AKNA: variants seen among roughly 807,000 people sequenced by gnomAD.
AKNA encodes AT-hook transcription factor, also known as microtubule organization protein AKNA.
AKNA carries 67 observed loss-of-function variants against 138.8 expected under a neutral mutation model. That is an observed-to-expected ratio of 0.48 (90% CI 0.40 to 0.59). The LOEUF (loss-of-function observed/expected upper bound fraction) is 0.59. Ranked by LOEUF, AKNA falls within the 20% of genes least tolerant of loss-of-function variation. The probability of loss-of-function intolerance (pLI) is 0.00; values close to 1 mark genes in which losing one functional copy is unlikely to be tolerated. For synonymous variants in AKNA, 737 were observed against 754.4 expected (o/e 0.98, Z 0.38); for missense variants, 1,813 against 1,880.4 (o/e 0.96, Z 0.66).
At position 114,347,922 on chromosome 9, in the gene AKNA, A is replaced by C. The variant is rs778685191; in HGVS notation, c.3222-22T>G. 3.9e-6 allele frequency: 6 copies of C among 1,548,162 alleles called. No homozygotes were observed. In the South Asian group the frequency reaches 4.8e-5, roughly 12 times the overall value. ...CTGGCTGGGGTTGGAGTGGAGACAG[A>C]AACAAAGAACAGAGGCATGAGGAAC... On this transcript the variant is annotated intron_variant, in intron 15 of 21. Transcript: ENST00000374088.
rs751999048 is a variant in AKNA, at chr9:114,377,532, T to C, written c.275A>G (p.Glu92Gly). The C allele has an allele frequency of 2.6e-5, 41 of 1,589,886 alleles. No individual in the cohort carries two copies. In the Admixed American group the frequency reaches 7.3e-4, roughly 28 times the overall value. Reference protein sequence around the residue: ...DSESGETSGEEAEAEDVDSPA... With the variant: ...DSESGETSGEGAEAEDVDSPA... ...GCTGTCCACATCCTCTGCTTCAGCC[T>C]CTGGAAAGACAGGCCATTCACTTCT... The change falls in exon 3 of 22, where the codon GAG becomes GGG. Residue 92 changes from glutamate (E) to glycine (G), a missense_variant and splice_region_variant. Physicochemically the swap from Glu to Gly is moderately conservative, Grantham distance 98. Coordinates refer to ENST00000374088, the MANE Select transcript of AKNA (RefSeq NM_001317950.2).
chr9:114,342,462 T>C (rs547169451), intron 19 of AKNA, among the ~76,000 whole-genome samples: 16 of 152,308 alleles, frequency 1.1e-4, no homozygotes. Flanking sequence ...TGGGAAGCAG[T>C]GGTCCTTGGA....
At chr9:114,355,461 G>A (rs1831428434) in intron 14 of AKNA, among the ~76,000 whole-genome samples, 1 of 152,226 alleles carries the variant, frequency 6.6e-6, no homozygotes, top group South Asian at 2.1e-4. Context: ...ACAGGCACGA[G>A]CCGCTGCACC....
intron 1 of AKNA, among the ~76,000 whole-genome samples, chr9:114,384,539 A>ACTC (rs1277188309): frequency 6.6e-6 from 1 of 151,798 alleles, no homozygotes; most frequent in Non-Finnish European, 1.5e-5. Flanking sequence ...CTCCCCCTTA[A>ACTC]CTCCTCCTCC....
At chr9:114,396,428 C>T (rs1298137416), upstream of AKNA, among the ~76,000 whole-genome samples, 3 of 152,130 alleles carry the variant, frequency 2.0e-5, no homozygotes, top group African/African-American at 7.2e-5. Flanking sequence ...CGCCTGTAAT[C>T]CCAGCACTTC....
At position 114,362,506 on chromosome 9, in the gene AKNA, C is replaced by A. The variant is rs529615736; in HGVS notation, c.1816G>T (p.Ala606Ser). Residue 606 changes from alanine to serine, a missense_variant, in exon 8 of 22, where the codon GCG becomes TCG. Physicochemically the swap from Ala to Ser is moderately conservative, Grantham distance 99. Coordinates refer to ENST00000374088, the MANE Select transcript of AKNA (RefSeq NM_001317950.2). ...TTCAGGTACTCCTCCTCTAGGGCCG[C>A]GTGGGCAGCCTTCAGCCGCTGGAAG... ...KGFQRLKAAH[A>S]ALEEEYLKAC... The A allele has an allele frequency of 3.6e-4, 579 of 1,613,382 alleles. 7 individuals are homozygous for A. The South Asian group carries it at 5.8e-3, about 16-fold the overall frequency.
chr9:114,347,593 G>T, intron 16 of AKNA, 131 bp downstream of exon 16: 1 of 930,166 alleles, frequency 1.1e-6, no homozygotes, highest in South Asian at 2.0e-5. Flanking sequence ...GCTCAACAGT[G>T]AATGAATGAA....
upstream of AKNA, among the ~76,000 whole-genome samples, chr9:114,391,646 C>T (rs1268029498): frequency 5.9e-5 from 9 of 151,988 alleles, no homozygotes; most frequent in South Asian, 2.1e-4. Flanking sequence ...GTCAGGAGTT[C>T]GACACCAGCC....
intron 9 of AKNA, among the ~76,000 whole-genome samples, chr9:114,361,244 C>T (rs1474931673): frequency 1.3e-5 from 2 of 152,202 alleles, no homozygotes; most frequent in Non-Finnish European, 2.9e-5. Context: ...GCCACAGGGC[C>T]TTTGCACAAG....
Position 114,380,981 on chromosome 9 carries a change from C to CAAAAAAAAAAAAAAAAAAAAA in AKNA, c.274+78_274+79insTTTTTTTTTTTTTTTTTTTTT, listed in dbSNP as rs34055519. ...CTGGCAATGAAGCAAGACTCTGTCTCAAAAAAAAAAAAAAAAAAAAGAACG... is the reference window on the plus strand; with the variant it reads ...CTGGCAATGAAGCAAGACTCTGTCTCAAAAAAAAAAAAAAAAAAAAAAAAAAAAAAAAAAAAAAAAAGAACG... On this transcript the variant is annotated intron_variant, in intron 2 of 21. Coordinates refer to ENST00000374088, the MANE Select transcript of AKNA (RefSeq NM_001317950.2). The CAAAAAAAAAAAAAAAAAAAAA allele has an allele frequency of 1.7e-4, 190 of 1,110,492 alleles. 5 individuals carry two copies. The African/African-American group carries it at 5.2e-3, about 30-fold the overall frequency. 68.8% of individuals were successfully genotyped at this position (1,110,492 alleles called of 1,614,324 possible).
chr9:114,388,707 CG>C (rs1834213470), upstream of AKNA, among the ~76,000 whole-genome samples: 1 of 152,222 alleles, frequency 6.6e-6, no homozygotes, highest in African/African-American at 2.4e-5. Context: ...TTCCTTCATT[CG>C]TAGGTACTCA....
chr9:114,364,499 G>T, intron 7 of AKNA, 61 bp downstream of exon 7: 1 of 1,555,232 alleles, frequency 6.4e-7, no homozygotes, highest in Non-Finnish European at 8.9e-7. Context: ...TTCAGAGACA[G>T]AGTCATGGGA....
At chr9:114,373,578 G>A (rs898337577) in intron 4 of AKNA, among the ~76,000 whole-genome samples, 1 of 152,050 alleles carries the variant, frequency 6.6e-6, no homozygotes, top group South Asian at 2.1e-4. Flanking sequence ...GAAGGAGAGA[G>A]ATTCTCATGA....
intron 4 of AKNA, among the ~76,000 whole-genome samples, chr9:114,369,370 G>A (rs1419216926): frequency 6.6e-6 from 1 of 152,224 alleles, no homozygotes; most frequent in East Asian, 1.9e-4. Flanking sequence ...GTCTATGGCT[G>A]CTTTCACACT....
chr9:114,341,750 G>C (rs753268401), intron 20 of AKNA, 25 bp from the exon 21 acceptor site: 4 of 1,539,350 alleles, frequency 2.6e-6, no homozygotes, highest in South Asian at 1.3e-5. Flanking sequence ...ACAGCACAGA[G>C]AGACAGAGTC....
At chr9:114,393,004 C>T (rs1265378022) in intron 1 of AKNA, among the ~76,000 whole-genome samples, 1 of 152,120 alleles carries the variant, frequency 6.6e-6, no homozygotes, top group Non-Finnish European at 1.5e-5. Context: ...TCAAACAAAC[C>T]GTGCACGTGC....
At chr9:114,338,847 T>A (rs1453389473) in intron 21 of AKNA, among the ~76,000 whole-genome samples, 1 of 151,982 alleles carries the variant, frequency 6.6e-6, no homozygotes, top group South Asian at 2.1e-4. Context: ...AGACCCAGAG[T>A]CAGACAGCTG....
At chr9:114,347,519 T>C (rs556272226) in intron 16 of AKNA, among the ~76,000 whole-genome samples, 24 of 152,370 alleles carry the variant, frequency 1.6e-4, no homozygotes, top group Non-Finnish European at 3.1e-4. Context: ...GCCCGGCCTA[T>C]TCTTTATTAT....
At chr9:114,357,032 C>G in intron 12 of AKNA, 63 bp from the exon 13 acceptor site, 1 of 1,471,638 alleles carries the variant, frequency 6.8e-7, no homozygotes, top group East Asian at 2.6e-5. Flanking sequence ...GGAAGCCCTT[C>G]CCAAATCGTG....
Sources: allele counts gnomAD v4.1 joint callset (sites outside exome capture counted in the v4.1 genomes callset), GRCh38; gene constraint gnomAD v4.1.1; transcripts MANE v1.5; gene names NCBI Gene and HGNC (gene_info 2026-07-23, HGNC 2026-07-21).